Variants in ADAMTS6 observed in about 807,000 individuals in gnomAD.
The protein encoded by ADAMTS6 is A disintegrin and metalloproteinase with thrombospondin motifs 6.
A neutral mutation model predicts 144.3 loss-of-function variants in ADAMTS6; 23 were observed. The observed-to-expected ratio is 0.16, with a 90% CI of 0.11 to 0.23. The LOEUF (loss-of-function observed/expected upper bound fraction) is 0.23. Ranked by LOEUF, ADAMTS6 falls within the 10% of genes least tolerant of loss-of-function variation. ADAMTS6 has a pLI of 1.00. For synonymous variants in ADAMTS6, 444 were observed against 457.5 expected (o/e 0.97, Z 0.38); for missense variants, 999 against 1,379.6 (o/e 0.72, Z 4.37).
intron 7 of ADAMTS6, among the ~76,000 whole-genome samples, chr5:65,336,765 C>T (rs1014529546): frequency 1.3e-5 from 2 of 152,032 alleles, no homozygotes; most frequent in African/African-American, 4.8e-5. Flanking sequence ...TGATCTAAAA[C>T]TTCCCTTCAT....
intron 7 of ADAMTS6, among the ~76,000 whole-genome samples, chr5:65,398,577 C>A (rs1011690750): frequency 5.3e-5 from 8 of 151,678 alleles, no homozygotes; most frequent in African/African-American, 1.9e-4. Flanking sequence ...ATAAAAAAAA[C>A]TAGCTAGGCA....
intron 7 of ADAMTS6, among the ~76,000 whole-genome samples, chr5:65,381,585 C>T (rs1355789676): frequency 7.2e-6 from 1 of 139,226 alleles, no homozygotes; most frequent in East Asian, 2.1e-4. Context: ...AGGGTTTCAC[C>T]ATCTTGGACA....
Position 65,388,055 on chromosome 5 carries a change from C to T in ADAMTS6, c.1074-53970G>A, listed in dbSNP as rs1469306652. Among the ~76,000 whole-genome samples, 3 of 151,920 alleles carry T rather than the reference C, an allele frequency of 2.0e-5. No individual in the cohort carries two copies. In the East Asian group the frequency reaches 5.8e-4, roughly 29 times the overall value. On this transcript the variant is annotated intron_variant, in intron 7 of 24. Transcript: ENST00000381055. ...GCAAAACCTGTCTCTACCACAAATA[C>T]AAAAATTAGCCGGGCGTTGTGGCAG...
At chr5:65,225,332 A>G (rs949673100) in intron 16 of ADAMTS6, among the ~76,000 whole-genome samples, 1 of 152,232 alleles carries the variant, frequency 6.6e-6, no homozygotes, top group African/African-American at 2.4e-5. Flanking sequence ...TTTGCAGACA[A>G]GTAGCCAGAA....
intron 7 of ADAMTS6, among the ~76,000 whole-genome samples, chr5:65,376,019 A>C (rs10055026): frequency 0.57 from 86,831 of 151,564 alleles, 26,304 homozygotes; most frequent in African/African-American, 0.78. Context: ...GAACAAAAAA[A>C]CAAAGACCGC....
At chr5:65,465,117 A>C (rs1220961449) in intron 3 of ADAMTS6, among the ~76,000 whole-genome samples, 1 of 152,250 alleles carries the variant, frequency 6.6e-6, no homozygotes, top group Non-Finnish European at 1.5e-5. Context: ...TTCATTAATA[A>C]TTTTAACTGT....
At chr5:65,314,346 G>A (rs190083457) in intron 9 of ADAMTS6, among the ~76,000 whole-genome samples, 42 of 151,836 alleles carry the variant, frequency 2.8e-4, no homozygotes, top group African/African-American at 7.2e-4. Context: ...ACACATACGC[G>A]CACACATCCA....
rs1362551711 is a variant in ADAMTS6 at position 65,312,416 on chromosome 5, T to C, written c.1224-12285A>G. Among the ~76,000 whole-genome samples the C allele has an allele frequency of 6.6e-5, 10 of 152,070 alleles. No individual in the cohort carries two copies. The East Asian group carries it at 1.9e-3, about 29-fold the overall frequency. On this transcript the variant is annotated intron_variant, in intron 9 of 24. Coordinates refer to ENST00000381055, the MANE Select transcript of ADAMTS6 (RefSeq NM_197941.4). ...AAAAGACAGAATTTAAGGGATGTACTCAGTCAGAACCTTCTATACCCACAT... is the reference window on the plus strand; with the variant it reads ...AAAAGACAGAATTTAAGGGATGTACCCAGTCAGAACCTTCTATACCCACAT...
chr5:65,215,206 T>G (rs1322078267), intron 19 of ADAMTS6, 118 bp downstream of exon 19: 1 of 1,249,156 alleles, frequency 8.0e-7, no homozygotes, highest in African/African-American at 1.5e-5. Context: ...GTAAATCATT[T>G]TATCTTTATT....
chr5:65,273,250 T>G, intron 12 of ADAMTS6, 90 bp downstream of exon 12: 1 of 1,061,898 alleles, frequency 9.4e-7, no homozygotes, highest in South Asian at 1.4e-5. Flanking sequence ...TTTAAATGAA[T>G]ATATAAGACT....
At chr5:65,161,380 T>A (rs542615631) in intron 24 of ADAMTS6, among the ~76,000 whole-genome samples, 1 of 152,326 alleles carries the variant, frequency 6.6e-6, no homozygotes, top group South Asian at 2.1e-4. Context: ...CCATTCCATA[T>A]CTCTATGGAT....
chr5:65,394,624 T>C (rs1753192420), intron 7 of ADAMTS6, among the ~76,000 whole-genome samples: 1 of 152,238 alleles, frequency 6.6e-6, no homozygotes, highest in Non-Finnish European at 1.5e-5. Context: ...TGCTGAATGT[T>C]CACTTAATTC....
At chr5:65,395,797 G>T (rs7724794) in intron 7 of ADAMTS6, among the ~76,000 whole-genome samples, 24,767 of 151,972 alleles carry the variant, frequency 0.16, 2,502 homozygotes, top group African/African-American at 0.28. Context: ...CAAAAAAATC[G>T]TCCCAGCCAA....
intron 7 of ADAMTS6, among the ~76,000 whole-genome samples, chr5:65,337,502 A>G (rs898614171): frequency 1.3e-5 from 2 of 151,922 alleles, no homozygotes; most frequent in African/African-American, 2.4e-5. Context: ...TCAGCCCCAT[A>G]TTTCTTACAA....
chr5:65,295,683 G>A (rs551613615), intron 10 of ADAMTS6, among the ~76,000 whole-genome samples: 42 of 151,952 alleles, frequency 2.8e-4, no homozygotes, highest in Non-Finnish European at 4.7e-4. Context: ...AGTTAATATC[G>A]ACAGCAACAC....
intron 22 of ADAMTS6, among the ~76,000 whole-genome samples, chr5:65,182,233 T>A (rs1754403582): frequency 6.6e-6 from 1 of 151,692 alleles, no homozygotes; most frequent in South Asian, 2.1e-4. Flanking sequence ...GATCATGAGG[T>A]CAGGAGTTTG....
At chr5:65,256,762 A>G (rs996837049) in intron 14 of ADAMTS6, among the ~76,000 whole-genome samples, 1 of 152,098 alleles carries the variant, frequency 6.6e-6, no homozygotes, top group Non-Finnish European at 1.5e-5. Context: ...CCCTGCAATT[A>G]TATAATAATG....
intron 22 of ADAMTS6, among the ~76,000 whole-genome samples, chr5:65,174,098 A>G (rs1753801277): frequency 6.6e-6 from 1 of 152,138 alleles, no homozygotes; most frequent in Non-Finnish European, 1.5e-5. Context: ...AGCACTGTAT[A>G]TATACCTTTC....
intron 7 of ADAMTS6, among the ~76,000 whole-genome samples, chr5:65,343,269 C>T (rs1469750162): frequency 2.0e-5 from 3 of 151,972 alleles, no homozygotes; most frequent in Non-Finnish European, 4.4e-5. Context: ...AAGATGGAGG[C>T]ACCATACTAC....
Sources: gnomAD v4.1 joint callset for allele counts (sites outside exome capture counted in the v4.1 genomes callset) on GRCh38, gnomAD v4.1.1 for gene constraint, MANE v1.5 for transcripts, NCBI Gene and HGNC (gene_info 2026-07-23, HGNC 2026-07-21) for gene names.